SLC2A13: variants seen among roughly 807,000 people sequenced by gnomAD.
The protein encoded by SLC2A13 is proton myo-inositol cotransporter.
Under a neutral mutation model 64.4 loss-of-function variants are expected in SLC2A13, and 32 were observed. That is an observed-to-expected ratio of 0.50 (90% CI 0.37 to 0.67). The LOEUF is 0.67. SLC2A13 is among the 30% of genes least tolerant of loss of function. The pLI is 0.00. For synonymous variants in SLC2A13, 338 were observed against 327.1 expected, an observed-to-expected ratio of 1.03 and a Z score of -0.36; for missense variants, 743 against 829.2, an observed-to-expected ratio of 0.90 and a Z score of 1.28.
At chr12:39,976,172 A>G (rs530938104) in intron 3 of SLC2A13, among the ~76,000 whole-genome samples, 96 of 152,342 alleles carry the variant, frequency 6.3e-4, no homozygotes, top group African/African-American at 2.2e-3. Context: ...AAGTTCAAGG[A>G]CATAGCTGCC....
intron 2 of SLC2A13, among the ~76,000 whole-genome samples, chr12:40,046,894 TTTTC>T (rs1344477849): frequency 2.6e-5 from 4 of 152,044 alleles, no homozygotes; most frequent in African/African-American, 7.2e-5. Context: ...TATTGCACCT[TTTTC>T]TTTCTTTCTT....
At chr12:39,808,670 AATG>A (rs1426568122) in intron 7 of SLC2A13, among the ~76,000 whole-genome samples, 1 of 152,114 alleles carries the variant, frequency 6.6e-6, no homozygotes, top group Non-Finnish European at 1.5e-5. Flanking sequence ...GCATTTCTTT[AATG>A]ATTAATAATG....
intron 7 of SLC2A13, among the ~76,000 whole-genome samples, chr12:39,770,406 G>A (rs1940519260): frequency 6.6e-6 from 1 of 152,104 alleles, no homozygotes; most frequent in Admixed American, 6.6e-5. Flanking sequence ...AGTTCAAATC[G>A]TGACTCTACC....
chr12:39,868,843 T>G (rs1253883775), intron 5 of SLC2A13, among the ~76,000 whole-genome samples: 1 of 152,232 alleles, frequency 6.6e-6, no homozygotes, highest in Non-Finnish European at 1.5e-5. Context: ...AGATTATTCA[T>G]GGACTACATA....
chr12:39,822,901 G>A (rs560628508), intron 7 of SLC2A13, among the ~76,000 whole-genome samples: 13 of 152,288 alleles, frequency 8.5e-5, no homozygotes, highest in Non-Finnish European at 1.6e-4. Flanking sequence ...TAAGAAATTC[G>A]ATAAATTAAT....
intron 1 of SLC2A13, among the ~76,000 whole-genome samples, chr12:40,096,755 ATTAT>A (rs1292532980): frequency 2.6e-5 from 4 of 151,928 alleles, no homozygotes; most frequent in Admixed American, 1.3e-4. Context: ...TTATATATAT[ATTAT>A]TTCTTTGCAT....
chr12:39,804,956 CT>C (rs1429196580), intron 7 of SLC2A13, among the ~76,000 whole-genome samples: 1 of 127,186 alleles, frequency 7.9e-6, no homozygotes, highest in Admixed American at 8.1e-5. Context: ...TACCTGAAGA[CT>C]TTGGCACTTG....
intron 4 of SLC2A13, among the ~76,000 whole-genome samples, chr12:39,905,678 T>A (rs562624697): frequency 6.6e-6 from 1 of 152,068 alleles, no homozygotes; most frequent in Non-Finnish European, 1.5e-5. Flanking sequence ...CTATAAACAT[T>A]AATATTTTAA....
intron 6 of SLC2A13, among the ~76,000 whole-genome samples, chr12:39,850,691 T>C (rs555033955): frequency 6.6e-6 from 1 of 152,300 alleles, no homozygotes; most frequent in South Asian, 2.1e-4. Flanking sequence ...AAAACATATA[T>C]GAATAAGGAT....
chr12:39,971,060 T>C (rs1946638786), intron 3 of SLC2A13, among the ~76,000 whole-genome samples: 1 of 152,204 alleles, frequency 6.6e-6, no homozygotes. Context: ...GTGTTGATTT[T>C]CTCTTCTAAT....
intron 1 of SLC2A13, among the ~76,000 whole-genome samples, chr12:40,055,586 A>G (rs1291118430): frequency 6.6e-6 from 1 of 152,240 alleles, no homozygotes; most frequent in East Asian, 1.9e-4. Flanking sequence ...TGATTAATAA[A>G]AAGTTATTGA....
intron 7 of SLC2A13, among the ~76,000 whole-genome samples, chr12:39,816,485 C>T (rs948312189): frequency 1.3e-5 from 2 of 150,376 alleles, no homozygotes; most frequent in Non-Finnish European, 3.0e-5. Context: ...ATGTAAATGA[C>T]GAGTTAATGG....
At chr12:40,054,782 A>G (rs906740300) in intron 1 of SLC2A13, among the ~76,000 whole-genome samples, 1 of 152,230 alleles carries the variant, frequency 6.6e-6, no homozygotes, top group Non-Finnish European at 1.5e-5. Flanking sequence ...AAATAATTTC[A>G]TAACCAAATA....
intron 6 of SLC2A13, among the ~76,000 whole-genome samples, chr12:39,831,631 T>C (rs1942852902): frequency 1.3e-5 from 2 of 152,056 alleles, no homozygotes; most frequent in African/African-American, 4.8e-5. Context: ...AAGTTGGAGG[T>C]AGGGCCTGGT....
At chr12:39,781,964 G>C (rs1440406252) in intron 7 of SLC2A13, among the ~76,000 whole-genome samples, 3 of 152,206 alleles carry the variant, frequency 2.0e-5, no homozygotes, top group African/African-American at 7.2e-5. Flanking sequence ...ATAATCTTGA[G>C]TTATGGTTGT....
rs1055765436 is a variant in SLC2A13 at position 40,064,929 on chromosome 12, C to T, written c.557-16719G>A. Among the ~76,000 whole-genome samples the T allele has an allele frequency of 2.0e-5, 3 of 152,030 alleles. No individual in the cohort carries two copies. The East Asian group carries it at 5.8e-4, about 29-fold the overall frequency. On this transcript the variant is annotated intron_variant, in intron 1 of 9. Coordinates refer to ENST00000280871, the MANE Select transcript of SLC2A13 (RefSeq NM_052885.4). ...TATTTTTTCTTAAAACTGAATAATA[C>T]TGATTAAAAGGAGCATTTAAAAACT... is the stretch of plus-strand genomic sequence containing the variant.
At chr12:39,986,246 A>G (rs192260053) in intron 3 of SLC2A13, among the ~76,000 whole-genome samples, 1 of 152,188 alleles carries the variant, frequency 6.6e-6, no homozygotes, top group East Asian at 1.9e-4. Context: ...TAGGATTTCA[A>G]TATATGAATT....
At chr12:39,789,097 C>A (rs1050569811) in intron 7 of SLC2A13, among the ~76,000 whole-genome samples, 2 of 152,094 alleles carry the variant, frequency 1.3e-5, no homozygotes, top group Non-Finnish European at 2.9e-5. Context: ...ACTCACCAAT[C>A]AGCTTATTAA....
At chr12:39,918,375 T>C (rs1473840931) in intron 4 of SLC2A13, among the ~76,000 whole-genome samples, 2 of 151,818 alleles carry the variant, frequency 1.3e-5, no homozygotes, top group Non-Finnish European at 2.9e-5. Context: ...TTTTTTTTTT[T>C]TTCGGTACGA....
Sources: gnomAD v4.1 joint callset for allele counts (sites outside exome capture counted in the v4.1 genomes callset) on GRCh38, gnomAD v4.1.1 for gene constraint, MANE v1.5 for transcripts, NCBI Gene and HGNC (gene_info 2026-07-23, HGNC 2026-07-21) for gene names.